Variants in SET observed in about 807,000 individuals in gnomAD.
SET encodes SET nuclear proto-oncogene, also known as protein SET.
Under a neutral mutation model 39.0 loss-of-function variants are expected in SET, and 4 were observed. That is an observed-to-expected ratio of 0.10 (90% confidence interval 0.05 to 0.23). The LOEUF is 0.23. SET is among the 10% of genes least tolerant of loss of function. The pLI is 1.00. For synonymous variants in SET, 114 were observed against 115.9 expected (o/e 0.98, Z 0.11); for missense variants, 137 against 329.7 (o/e 0.42, Z 4.53).
At chr9:128,691,786 C>T (rs1050900110) in intron 2 of SET, 72 bp from the exon 3 acceptor site, 6 of 1,427,342 alleles carry the variant, frequency 4.2e-6, no homozygotes, top group African/African-American at 1.4e-5. Flanking sequence ...AGTAAATACA[C>T]TCTGTAATCT....
Position 128,691,225 on chromosome 9 carries a change from C to T in SET, c.129C>T (p.Asp43=). The change falls in exon 2 of 8, where the codon GAC becomes GAT. Residue 43 remains aspartate (D), a splice_region_variant and synonymous_variant. Coordinates refer to ENST00000322030, the MANE Select transcript of SET (RefSeq NM_003011.4). ...EHIDEVQNEI[D]RLNEQASEEI... ...TTGATGAAGTACAAAATGAAATAGA[C>T]AGGTAACATTTTTCTTAATATACTT... is the stretch of plus-strand genomic sequence containing the variant. 6.3e-7 allele frequency: 1 copy of T among 1,586,374 alleles called. No individual in the cohort carries two copies. The highest frequency in any genetic ancestry group is 8.6e-7 in the Non-Finnish European group (1 of 1,162,668).
upstream of SET, among the ~76,000 whole-genome samples, chr9:128,685,869 C>T (rs1285145220): frequency 1.4e-4 from 21 of 152,060 alleles, no homozygotes; most frequent in Admixed American, 1.4e-3. Context: ...CCATCTCTAC[C>T]AAAGACAGTT....
chr9:128,691,823 C>A, intron 2 of SET, 35 bp from the exon 3 acceptor site: 1 of 1,585,294 alleles, frequency 6.3e-7, no homozygotes, highest in African/African-American at 1.4e-5. Flanking sequence ...TTGTTAAATA[C>A]TATCATTGTC....
rs1053167104 is a variant in SET at position 128,692,693 on chromosome 9, G to A, written c.306G>A (p.Glu102=). 6.2e-7 allele frequency: 1 copy of A among 1,611,776 alleles called. No homozygotes were observed. Among genetic ancestry groups the A allele is most frequent in the Non-Finnish European group, 8.5e-7 (1 of 1,179,302 alleles). ...CACTGCTTGGGGAGGAAGATGAAGA[G>A]GCACTGCATTATTTGACCAGAGTTG... ...VSALLGEEDE[E]ALHYLTRVEV... is the part of the protein sequence containing the mutation. The change falls in exon 4 of 8, where the codon GAG becomes GAA. Residue 102 remains glutamate, a synonymous_variant. Transcript: ENST00000322030.
At chr9:128,694,270 T>C (rs941946704) in intron 7 of SET, among the ~76,000 whole-genome samples, 23 of 152,150 alleles carry the variant, frequency 1.5e-4, no homozygotes, top group Non-Finnish European at 7.4e-5. Flanking sequence ...GTTAGACTTA[T>C]CACCACCCAA....
At chr9:128,694,426 C>T (rs182483268) in intron 7 of SET, among the ~76,000 whole-genome samples, 69 of 152,206 alleles carry the variant, frequency 4.5e-4, no homozygotes, top group Admixed American at 1.2e-3. Context: ...GGTTTTATTT[C>T]GGATTATTTG....
At chr9:128,694,422 A>G (rs1176460754) in intron 7 of SET, among the ~76,000 whole-genome samples, 6 of 152,134 alleles carry the variant, frequency 3.9e-5, no homozygotes, top group African/African-American at 1.4e-4. Flanking sequence ...GGTTGGTTTT[A>G]TTTCGGATTA....
At chr9:128,685,285 C>A, upstream of SET, 2 of 1,276,568 alleles carry the variant, frequency 1.6e-6, no homozygotes, top group Non-Finnish European at 2.2e-6. Flanking sequence ...GATCTCCAGG[C>A]TTGCTGTGAG....
rs1564357966 is a variant in SET at position 128,689,253 on chromosome 9, C to T, written c.-330C>T. On this transcript the variant is annotated 5_prime_UTR_variant, in exon 1 of 8. Transcript: ENST00000322030. ...CCGTAGGAGGAGGTGGAGGAGGAGG[C>T]GGCTCGGGAGAGCGAGCAGCGAGCT... 6 of 1,002,520 alleles carry T rather than the reference C, an allele frequency of 6.0e-6. No homozygotes were observed. Among genetic ancestry groups the T allele is most frequent in the South Asian group, 4.6e-5 (1 of 21,628 alleles). The allele number at this position is 1,002,520 out of a possible 1,614,324, so 62.1% of individuals were successfully genotyped here.
At chr9:128,685,247 T>C (rs1589449696), upstream of SET, 1 of 1,551,000 alleles carries the variant, frequency 6.4e-7, no homozygotes. Flanking sequence ...GCTTGTTTTC[T>C]CTTCTATAAA....
rs1861413929 is a variant in SET at position 128,689,417 on chromosome 9, C to A, written c.-166C>A. On this transcript the variant is annotated 5_prime_UTR_variant, in exon 1 of 8. Transcript: ENST00000322030. Reference sequence around the variant, plus strand: ...CCTCGGCGTCAGGCCGCGAGGGTAGCGCGCGCGAGCGAGCGAGGGGGAGGG... The same window carrying A: ...CCTCGGCGTCAGGCCGCGAGGGTAGAGCGCGCGAGCGAGCGAGGGGGAGGG... 3.2e-6 allele frequency: 2 copies of A among 616,000 alleles called. No homozygotes were observed. Among genetic ancestry groups the A allele is most frequent in the African/African-American group, 2.0e-5 (1 of 49,578 alleles). 38.2% of individuals were successfully genotyped at this position (616,000 alleles called of 1,614,324 possible).
At chr9:128,687,289 T>G (rs1295902420), upstream of SET, among the ~76,000 whole-genome samples, 1 of 151,960 alleles carries the variant, frequency 6.6e-6, no homozygotes, top group Non-Finnish European at 1.5e-5. Context: ...GTCTTGAACA[T>G]GAAAGATGCT....
At chr9:128,683,836 C>T (rs1564354557) in exon 1 of SET, 1 of 1,415,858 alleles carries the variant, frequency 7.1e-7, no homozygotes, top group Non-Finnish European at 9.6e-7. Context: ...TCTCAGTGTT[C>T]AGCCTGCTTC....
At chr9:128,683,945 G>T in exon 1 of SET, 1 of 1,557,396 alleles carries the variant, frequency 6.4e-7, no homozygotes, top group Non-Finnish European at 8.7e-7. Flanking sequence ...AAGAAACCAA[G>T]ACCACCTCCT....
rs1861403636 is a variant in SET at position 128,689,266 on chromosome 9, C to T, written c.-317C>T. ...TGGAGGAGGAGGCGGCTCGGGAGAG[C>T]GAGCAGCGAGCTGGCTGGATCGCCG... On this transcript the variant is annotated 5_prime_UTR_variant, in exon 1 of 8. Transcript: ENST00000322030. 6.9e-6 allele frequency: 7 copies of T among 1,007,954 alleles called. No individual in the cohort carries two copies. The highest frequency in any genetic ancestry group is 4.6e-5 in the South Asian group (1 of 21,974). 62.4% of individuals were successfully genotyped at this position (1,007,954 alleles called of 1,614,324 possible). A position where few individuals can be genotyped will look rare whatever the true frequency, so the allele number is the denominator to read the frequency against.
upstream of SET, among the ~76,000 whole-genome samples, chr9:128,688,547 C>G (rs1861367619): frequency 6.6e-6 from 1 of 152,204 alleles, no homozygotes; most frequent in African/African-American, 2.4e-5. Context: ...TACCTCCCTG[C>G]CTTCACAGGA....
chr9:128,684,823 G>A (rs1479169031), upstream of SET, among the ~76,000 whole-genome samples: 2 of 152,196 alleles, frequency 1.3e-5, no homozygotes, highest in African/African-American at 4.8e-5. Context: ...AGGAGTCCCA[G>A]AGTCATGCTG....
chr9:128,683,967 G>C, exon 1 of SET: 3 of 1,557,130 alleles, frequency 1.9e-6, no homozygotes, highest in Non-Finnish European at 2.6e-6. Context: ...CTCTGGGACC[G>C]GAGGAGACAT....
rs1456219882 is a variant in SET, at chr9:128,689,643, G to A, written c.61G>A (p.Asp21Asn). The change falls in exon 1 of 8, where the codon GAC (aspartate) becomes AAC (asparagine). Residue 21 changes from aspartate (D) to asparagine (N), a missense_variant. By Grantham distance (23) the Asp-to-Asn change is conservative. Coordinates refer to ENST00000322030, the MANE Select transcript of SET (RefSeq NM_003011.4). ...GCTCAACTCCAACCACGACGGGGCC[G>A]ACGAGACCTCAGGTGAGAGCAGCGA... Reference protein sequence around the residue: ...KELNSNHDGADETSEKEQQEA... With the variant: ...KELNSNHDGANETSEKEQQEA... 4.6e-6 allele frequency: 6 copies of A among 1,308,654 alleles called. No individual in the cohort carries two copies. The highest frequency in any genetic ancestry group is 5.0e-6 in the Non-Finnish European group (5 of 1,000,100). The allele number at this position is 1,308,654 out of a possible 1,614,324, so 81.1% of individuals were successfully genotyped here.
Sources: allele counts gnomAD v4.1 joint callset (sites outside exome capture counted in the v4.1 genomes callset), GRCh38; gene constraint gnomAD v4.1.1; transcripts MANE v1.5; gene names NCBI Gene and HGNC (gene_info 2026-07-23, HGNC 2026-07-21).